CNTNAP2: variants seen among roughly 807,000 people sequenced by gnomAD.
CNTNAP2 encodes contactin associated protein 2.
In CNTNAP2, 98 loss-of-function variants were observed where a neutral mutation model predicts 155.2. The ratio of observed to expected loss-of-function variants is 0.63; its 90% CI spans 0.54 to 0.75. The LOEUF is 0.75. CNTNAP2 is among the 30% of genes least tolerant of loss of function. The probability of loss-of-function intolerance (pLI) is 0.00; values close to 1 mark genes in which losing one functional copy is unlikely to be tolerated. For missense variants in CNTNAP2, 1,727 were observed against 1,688.1 expected (o/e 1.02, Z -0.40); for synonymous variants, 651 against 631.2 (o/e 1.03, Z -0.47).
intron 13 of CNTNAP2, among the ~76,000 whole-genome samples, chr7:147,780,879 C>T (rs1182410058): frequency 1.3e-5 from 2 of 152,114 alleles, no homozygotes; most frequent in East Asian, 3.9e-4. Context: ...GGGAGAATAC[C>T]ATTTGCATGT....
At chr7:147,053,467 T>C (rs1799507451) in intron 4 of CNTNAP2, among the ~76,000 whole-genome samples, 1 of 152,094 alleles carries the variant, frequency 6.6e-6, no homozygotes, top group African/African-American at 2.4e-5. Flanking sequence ...TAGCTTATAT[T>C]TTGGAGAACT....
In CNTNAP2 at chr7:147,128,718, C is replaced by T. The variant is rs139042086; in HGVS notation, c.965C>T (p.Ser322Phe). 9.3e-6 allele frequency: 15 copies of T among 1,613,938 alleles called. No individual in the cohort carries two copies. The African/African-American group carries it at 1.7e-4, about 19-fold the overall frequency. Residue 322 changes from serine to phenylalanine, a missense_variant, in exon 7 of 24, where the codon TCT becomes TTT. Ser to Phe is a radical substitution (Grantham distance 155). Coordinates refer to ENST00000361727, the MANE Select transcript of CNTNAP2 (RefSeq NM_014141.6). ...ATAACCTTTGGAGGCATCCCTTTCT[C>T]TGGCAAGCCCAGCTCCAGCAGTAGA... ...YEITFGGIPF[S>F]GKPSSSSRKN... is the part of the protein sequence containing the mutation.
At chr7:148,011,544 C>T (rs1470039429) in intron 15 of CNTNAP2, among the ~76,000 whole-genome samples, 2 of 152,086 alleles carry the variant, frequency 1.3e-5, no homozygotes, top group African/African-American at 4.8e-5. Flanking sequence ...CTTATTTCCT[C>T]ATCTGTTTTG....
intron 3 of CNTNAP2, among the ~76,000 whole-genome samples, chr7:146,958,075 A>G (rs1291459670): frequency 6.6e-6 from 1 of 152,150 alleles, no homozygotes; most frequent in African/African-American, 2.4e-5. Context: ...TTTGGTTTCT[A>G]CTGGATGGTA....
At chr7:147,894,664 T>G (rs112892001) in intron 13 of CNTNAP2, among the ~76,000 whole-genome samples, 2 of 152,228 alleles carry the variant, frequency 1.3e-5, no homozygotes, top group South Asian at 2.1e-4. Flanking sequence ...CCTTGTGGTG[T>G]TGTTTTTAAT....
At chr7:146,784,478 G>A (rs1430947490) in intron 2 of CNTNAP2, among the ~76,000 whole-genome samples, 1 of 152,116 alleles carries the variant, frequency 6.6e-6, no homozygotes, top group African/African-American at 2.4e-5. Flanking sequence ...CATATGGGAT[G>A]GGATAACCAC....
chr7:146,538,972 A>C (rs368070308), intron 1 of CNTNAP2, among the ~76,000 whole-genome samples: 2 of 152,092 alleles, frequency 1.3e-5, no homozygotes, highest in Non-Finnish European at 2.9e-5. Context: ...ATTCAGAACA[A>C]TTAACAGGGG....
chr7:147,238,267 G>A (rs1374476959), intron 8 of CNTNAP2, among the ~76,000 whole-genome samples: 8 of 152,120 alleles, frequency 5.3e-5, no homozygotes, highest in South Asian at 2.1e-4. Context: ...CGCCCACCTC[G>A]GCCTCCCAAA....
chr7:148,357,712 C>T (rs149948239), intron 21 of CNTNAP2, among the ~76,000 whole-genome samples: 1 of 152,224 alleles, frequency 6.6e-6, no homozygotes, highest in East Asian at 1.9e-4. Context: ...CCTCACAGTG[C>T]CAAGCACAGG....
chr7:148,308,230 T>G (rs1386342617), intron 21 of CNTNAP2, among the ~76,000 whole-genome samples: 1 of 152,100 alleles, frequency 6.6e-6, no homozygotes, highest in Admixed American at 6.5e-5. Flanking sequence ...AAATTATATA[T>G]AGTTGTGTAT....
rs140883778 is a variant in CNTNAP2, at chr7:147,807,980, C to CT, written c.2099-95579dup. ...CATTCTTTAGTGATATGTTCACTTTCTTTTTTAAAAAAAAAAAATAAAAAG... is the reference window on the plus strand; with the variant it reads ...CATTCTTTAGTGATATGTTCACTTTCTTTTTTTAAAAAAAAAAAATAAAAAG... On this transcript the variant is annotated intron_variant, in intron 13 of 23. Coordinates refer to ENST00000361727, the MANE Select transcript of CNTNAP2 (RefSeq NM_014141.6). Among the ~76,000 whole-genome samples the CT allele has an allele frequency of 4.3e-4, 65 of 150,950 alleles. 1 individual carries two copies. Among genetic ancestry groups the CT allele is most frequent in the Middle Eastern group, 3.4e-3 (1 of 290 alleles).
At chr7:148,026,337 GCTA>G (rs34689221) in intron 15 of CNTNAP2, among the ~76,000 whole-genome samples, 6,189 of 152,084 alleles carry the variant, frequency 0.041, 284 homozygotes, top group East Asian at 0.27. Flanking sequence ...TATAGTCACA[GCTA>G]CTCAGGAGGC....
chr7:148,168,265 A>T (rs1247363404), intron 17 of CNTNAP2, among the ~76,000 whole-genome samples: 2 of 151,992 alleles, frequency 1.3e-5, no homozygotes, highest in African/African-American at 4.8e-5. Flanking sequence ...ATGCACACGT[A>T]TGTTTATTGC....
At chr7:147,676,692 C>T (rs1342381815) in intron 13 of CNTNAP2, among the ~76,000 whole-genome samples, 3 of 151,920 alleles carry the variant, frequency 2.0e-5, no homozygotes, top group Non-Finnish European at 4.4e-5. Flanking sequence ...TGGTAACTAC[C>T]ATTCTATTCT....
intron 9 of CNTNAP2, among the ~76,000 whole-genome samples, chr7:147,361,370 C>T (rs965111822): frequency 2.0e-5 from 3 of 152,164 alleles, no homozygotes; most frequent in South Asian, 2.1e-4. Context: ...TGTGTGCATG[C>T]TTTGCAATTT....
intron 3 of CNTNAP2, among the ~76,000 whole-genome samples, chr7:147,023,550 T>C (rs750091348): frequency 2.0e-5 from 3 of 152,194 alleles, no homozygotes; most frequent in South Asian, 2.1e-4. Flanking sequence ...GGACCTCTCC[T>C]GTTGTCATTT....
intron 18 of CNTNAP2, 47 bp from the exon 19 acceptor site, chr7:148,217,235 TATCGGC>T: frequency 1.3e-6 from 2 of 1,574,762 alleles, no homozygotes. Context: ...CATTGTAGGG[TATCGGC>T]ATCAGACCTC....
chr7:148,388,333 C>T (rs1799265235), intron 22 of CNTNAP2, among the ~76,000 whole-genome samples: 1 of 139,110 alleles, frequency 7.2e-6, no homozygotes, highest in Middle Eastern at 4.0e-3. Context: ...TGTGATGTTC[C>T]CCTTCCTGTG....
At chr7:148,356,403 A>G (rs775532414) in intron 21 of CNTNAP2, among the ~76,000 whole-genome samples, 25 of 152,244 alleles carry the variant, frequency 1.6e-4, no homozygotes, top group Admixed American at 2.6e-4. Context: ...TCTTCAGTCC[A>G]TGAACTCACA....
Sources: gnomAD v4.1 joint callset for allele counts (sites outside exome capture counted in the v4.1 genomes callset) on GRCh38, gnomAD v4.1.1 for gene constraint, MANE v1.5 for transcripts, NCBI Gene and HGNC (gene_info 2026-07-23, HGNC 2026-07-21) for gene names.